Variants in CDKAL1 observed in about 807,000 individuals in gnomAD.
The protein encoded by CDKAL1 is threonylcarbamoyladenosine tRNA methylthiotransferase.
Under a neutral mutation model 68.2 loss-of-function variants are expected in CDKAL1, and 32 were observed. The ratio of observed to expected loss-of-function variants is 0.47; its 90% CI spans 0.35 to 0.63. The LOEUF (loss-of-function observed/expected upper bound fraction) is 0.63. Among genes scored for constraint, CDKAL1 ranks in the 30% least tolerant of loss-of-function variants. CDKAL1 has a pLI of 0.00. For synonymous variants in CDKAL1, 234 were observed against 244.3 expected, an observed-to-expected ratio of 0.96 and a Z score of 0.39; for missense variants, 606 against 696.7, an observed-to-expected ratio of 0.87 and a Z score of 1.47.
intron 11 of CDKAL1, among the ~76,000 whole-genome samples, chr6:21,045,073 A>G (rs1164880517): frequency 6.6e-6 from 1 of 152,200 alleles, no homozygotes; most frequent in Non-Finnish European, 1.5e-5. Flanking sequence ...CCACACCTCT[A>G]TTAATACTAT....
chr6:21,069,572 A>T (rs1424772531), intron 12 of CDKAL1, among the ~76,000 whole-genome samples: 1 of 151,858 alleles, frequency 6.6e-6, no homozygotes, highest in Non-Finnish European at 1.5e-5. Context: ...AAGGTTTTGC[A>T]TTTTTGTTCA....
At chr6:20,573,876 G>A (rs144954477) in intron 4 of CDKAL1, among the ~76,000 whole-genome samples, 106 of 152,260 alleles carry the variant, frequency 7.0e-4, no homozygotes, top group Non-Finnish European at 1.3e-3. Context: ...ACTAATTTGA[G>A]CAGAGTATGC....
At chr6:20,988,349 T>C (rs1766600313) in intron 10 of CDKAL1, among the ~76,000 whole-genome samples, 1 of 152,048 alleles carries the variant, frequency 6.6e-6, no homozygotes, top group Non-Finnish European at 1.5e-5. Flanking sequence ...GCTAATCTGT[T>C]CTGGAAATAC....
intron 4 of CDKAL1, among the ~76,000 whole-genome samples, chr6:20,596,961 A>G (rs997912181): frequency 3.3e-5 from 5 of 152,042 alleles, no homozygotes; most frequent in Non-Finnish European, 5.9e-5. Flanking sequence ...CTTGCCCCCC[A>G]TGGGCTGCCC....
chr6:21,018,234 G>T (rs1582037840), intron 11 of CDKAL1, among the ~76,000 whole-genome samples: 2 of 152,140 alleles, frequency 1.3e-5, no homozygotes, highest in Non-Finnish European at 2.9e-5. Flanking sequence ...CTTATTTAAT[G>T]CCTAACAATA....
intron 5 of CDKAL1, among the ~76,000 whole-genome samples, chr6:20,720,909 G>A (rs1011166763): frequency 6.6e-6 from 1 of 152,076 alleles, no homozygotes; most frequent in African/African-American, 2.4e-5. Flanking sequence ...ATGACCTCCA[G>A]TTCCATCCAT....
At chr6:20,722,998 A>G (rs1424581458) in intron 5 of CDKAL1, among the ~76,000 whole-genome samples, 1 of 152,056 alleles carries the variant, frequency 6.6e-6, no homozygotes, top group Non-Finnish European at 1.5e-5. Context: ...ACCATCCTTC[A>G]GCTATCCATG....
intron 5 of CDKAL1, among the ~76,000 whole-genome samples, chr6:20,693,178 G>A (rs1770952672): frequency 6.8e-6 from 1 of 148,004 alleles, no homozygotes; most frequent in Admixed American, 6.7e-5. Flanking sequence ...GCTTGCACAT[G>A]AGTAAGGGAC....
chr6:20,603,379 TATA>T (rs1766189476), intron 4 of CDKAL1, among the ~76,000 whole-genome samples: 1 of 152,158 alleles, frequency 6.6e-6, no homozygotes, highest in Admixed American at 6.5e-5. Flanking sequence ...GAAAATGGTA[TATA>T]AGAGACCAAG....
At chr6:20,831,786 G>A (rs1042247560) in intron 8 of CDKAL1, among the ~76,000 whole-genome samples, 7 of 152,060 alleles carry the variant, frequency 4.6e-5, no homozygotes, top group South Asian at 2.1e-4. Context: ...TTTGATTTCC[G>A]GTCAGCTCAT....
chr6:20,871,508 G>A (rs1038624278), intron 9 of CDKAL1, among the ~76,000 whole-genome samples: 20 of 151,804 alleles, frequency 1.3e-4, no homozygotes, highest in African/African-American at 4.1e-4. Flanking sequence ...ACCCAAGTTC[G>A]GTCTCTTCCC....
chr6:20,553,235 T>G (rs1232001647), intron 4 of CDKAL1, among the ~76,000 whole-genome samples: 1 of 152,136 alleles, frequency 6.6e-6, no homozygotes, highest in Non-Finnish European at 1.5e-5. Flanking sequence ...TAAGGCCAGG[T>G]GTGGTGGCTC....
At chr6:20,837,192 C>A (rs1777984294) in intron 8 of CDKAL1, among the ~76,000 whole-genome samples, 1 of 152,142 alleles carries the variant, frequency 6.6e-6, no homozygotes, top group Non-Finnish European at 1.5e-5. Flanking sequence ...ATTGCTCACA[C>A]CATTATTTGA....
intron 11 of CDKAL1, among the ~76,000 whole-genome samples, chr6:21,017,597 G>A (rs1305989106): frequency 2.0e-5 from 3 of 152,114 alleles, no homozygotes; most frequent in Admixed American, 1.3e-4. Context: ...TATAGTTTAA[G>A]GCAAAATAAC....
chr6:20,549,869 A>T (rs907579983), intron 4 of CDKAL1, among the ~76,000 whole-genome samples: 13 of 152,110 alleles, frequency 8.5e-5, no homozygotes, highest in South Asian at 2.1e-4. Context: ...GGCCTCCCAA[A>T]GTGCGGGGAT....
At position 21,201,260 on chromosome 6, in the gene CDKAL1, T is replaced by C. The variant is rs1340043117; in HGVS notation, c.1534T>C (p.Ser512Pro). ...CAAACCGCTAGCAAAGGGAGAAGTC[T>C]CGGGTTTGACAAAGGTAAGTAAAAG... is the stretch of plus-strand genomic sequence containing the variant. ...ISKPLAKGEV[S>P]GLTKDFRNGL... is the part of the protein sequence containing the mutation. Residue 512 changes from serine to proline, a missense_variant, in exon 15 of 16, where the codon TCG (serine) becomes CCG (proline). Ser to Pro is a moderately conservative substitution (Grantham distance 74). Transcript: ENST00000274695. 1.2e-6 allele frequency: 2 copies of C among 1,608,804 alleles called. No homozygotes were observed. Among genetic ancestry groups the C allele is most frequent in the Non-Finnish European group, 1.7e-6 (2 of 1,175,742 alleles).
chr6:20,647,673 G>T (rs1768541393), intron 4 of CDKAL1, among the ~76,000 whole-genome samples: 1 of 152,154 alleles, frequency 6.6e-6, no homozygotes, highest in Non-Finnish European at 1.5e-5. Flanking sequence ...TCACTCAGGT[G>T]GCATTGGGAA....
rs777841068 is a variant in CDKAL1, at chr6:20,779,935, A to G, written c.518-1210A>G. On this transcript the variant is annotated intron_variant, in intron 7 of 15. Coordinates refer to ENST00000274695, the MANE Select transcript of CDKAL1 (RefSeq NM_017774.3). ...GTGAATTTTATAGGCTATGGGATAT[A>G]CCTCAGTAAAGTTATAAAAACAATA... 9.0e-4 allele frequency among the ~76,000 whole-genome samples: 137 copies of G among 151,956 alleles called. 2 individuals carry two copies. The highest frequency in any genetic ancestry group is 2.9e-4 in the Non-Finnish European group (20 of 68,000).
intron 8 of CDKAL1, among the ~76,000 whole-genome samples, chr6:20,783,978 G>A (rs1775545955): frequency 6.6e-6 from 1 of 152,138 alleles, no homozygotes; most frequent in Non-Finnish European, 1.5e-5. Context: ...ACTTTGGGAG[G>A]CCAAGGTGGA....
Sources: allele counts gnomAD v4.1 joint callset (sites outside exome capture counted in the v4.1 genomes callset), GRCh38; gene constraint gnomAD v4.1.1; transcripts MANE v1.5; gene names NCBI Gene and HGNC (gene_info 2026-07-23, HGNC 2026-07-21).